Variants in CHRNB3 observed in about 807,000 individuals in gnomAD.
CHRNB3 encodes the protein cholinergic receptor nicotinic beta 3 subunit, also known as neuronal acetylcholine receptor subunit beta-3.
A neutral mutation model predicts 40.6 loss-of-function variants in CHRNB3; 37 were observed. The observed-to-expected ratio is 0.91, with a 90% CI of 0.70 to 1.20. The LOEUF (loss-of-function observed/expected upper bound fraction) is 1.20. Ranked by LOEUF, CHRNB3 falls within the 50% of genes most tolerant of loss-of-function variation. CHRNB3 has a pLI of 0.00. For missense variants in CHRNB3, 505 were observed against 551.2 expected, an observed-to-expected ratio of 0.92 and a Z score of 0.84; for synonymous variants, 207 against 207.1, an observed-to-expected ratio of 1.00 and a Z score of 0.00.
rs145502033 is a variant in CHRNB3, at chr8:42,736,660, C to T, written c.*42C>T. 5.6e-6 allele frequency: 9 copies of T among 1,609,968 alleles called. No individual in the cohort carries two copies. In the African/African-American group the frequency reaches 1.1e-4, roughly 19 times the overall value. On this transcript the variant is annotated 3_prime_UTR_variant, in exon 6 of 6. Transcript: ENST00000289957. Reference sequence around the variant, plus strand: ...AGACTAAATTACACCTTAGACCTGACATCTGGCTATCACACAGACAGAATC... The same window carrying T: ...AGACTAAATTACACCTTAGACCTGATATCTGGCTATCACACAGACAGAATC...
At position 42,736,932 on chromosome 8, in the gene CHRNB3, G is replaced by A. The variant is rs1277364734; in HGVS notation, c.*314G>A. On this transcript the variant is annotated 3_prime_UTR_variant, in exon 6 of 6. Coordinates refer to ENST00000289957, the MANE Select transcript of CHRNB3 (RefSeq NM_000749.5). The stretch of plus-strand genomic sequence containing the variant: ...CACAAAAAGCTGTTGCTACTTGGTG[G>A]AGGAACACCTCCTAGAAGCAGCAGG... 7.5e-6 allele frequency: 2 copies of A among 265,986 alleles called. 1 individual carries two copies. Among genetic ancestry groups the A allele is most frequent in the Non-Finnish European group, 1.4e-5 (2 of 142,042 alleles). The allele number at this position is 265,986 out of a possible 1,614,324, so 16.5% of individuals were successfully genotyped here.
intron 1 of CHRNB3, among the ~76,000 whole-genome samples, chr8:42,706,915 C>T (rs1815931417): frequency 6.6e-6 from 1 of 152,078 alleles, no homozygotes; most frequent in Non-Finnish European, 1.5e-5. Context: ...GGTGTGCCAC[C>T]ATGCCCGGCT....
At chr8:42,714,174 G>A (rs1816062195) in intron 3 of CHRNB3, among the ~76,000 whole-genome samples, 1 of 152,146 alleles carries the variant, frequency 6.6e-6, no homozygotes, top group African/African-American at 2.4e-5. Context: ...ATTGAGCTCT[G>A]CCATGATGTT....
At chr8:42,714,794 T>C (rs1816073531) in intron 3 of CHRNB3, 1 of 152,242 alleles carries the variant, frequency 6.6e-6, no homozygotes, top group African/African-American at 2.4e-5. Flanking sequence ...GAAACAGAAC[T>C]GGAGAGTGGA....
chr8:42,699,395 C>G (rs1312050471), intron 1 of CHRNB3: 2 of 152,086 alleles, frequency 1.3e-5, no homozygotes, highest in African/African-American at 4.8e-5. Context: ...ACTTATTGAG[C>G]ATCTACTGTA....
At chr8:42,736,308 A>G (rs550665215) in intron 5 of CHRNB3, among the ~76,000 whole-genome samples, 176 bp from the exon 6 acceptor site, 1 of 152,238 alleles carries the variant, frequency 6.6e-6, no homozygotes. Context: ...TTTTGGGCAC[A>G]ATTAGCGAAG....
rs768163616 is a variant in CHRNB3, at chr8:42,732,520, CAT to C, written c.1214_1215del (p.His405ArgfsTer22). ...AADSIRYISR[H>X]VKKEHFISQV... ...TGATTCCATTAGATACATTTCGAGA[CAT>C]GTGAAGAAAGAACATTTTATCAGCC... On this transcript the variant is annotated frameshift_variant, in exon 5 of 6. Transcript: ENST00000289957. LOFTEE classifies it high-confidence loss of function. 4 of 1,601,320 alleles carry C rather than the reference CAT, an allele frequency of 2.5e-6. No individual in the cohort carries two copies. Among genetic ancestry groups the C allele is most frequent in the South Asian group, 2.3e-5 (2 of 88,038 alleles).
In CHRNB3 at chr8:42,732,296, C is replaced by T. The variant is rs1317814738; in HGVS notation, c.989C>T (p.Pro330Leu). 3.1e-6 allele frequency: 5 copies of T among 1,607,494 alleles called. No homozygotes were observed. In the African/African-American group the frequency reaches 6.7e-5, roughly 22 times the overall value. Reference protein sequence around the residue: ...VHHRSSSTYHPMAPWVKRLFL... With the variant: ...VHHRSSSTYHLMAPWVKRLFL... The stretch of plus-strand genomic sequence containing the variant: ...CACAGATCTTCTTCCACGTACCACC[C>T]CATGGCCCCCTGGGTTAAGAGGCTC... The change falls in exon 5 of 6, where the codon CCC (proline) becomes CTC (leucine). Residue 330 changes from proline (P) to leucine (L), a missense_variant. Pro to Leu is a moderately conservative substitution (Grantham distance 98). Coordinates refer to ENST00000289957, the MANE Select transcript of CHRNB3 (RefSeq NM_000749.5).
intron 3 of CHRNB3, among the ~76,000 whole-genome samples, chr8:42,717,497 A>G (rs1298129291): frequency 1.3e-5 from 2 of 151,118 alleles, no homozygotes; most frequent in African/African-American, 4.9e-5. Flanking sequence ...GGCACTTACA[A>G]GTTCATGAAT....
chr8:42,733,592 CTTTTTTTTTTTT>C (rs1208342996), intron 5 of CHRNB3, among the ~76,000 whole-genome samples: 1 of 101,048 alleles, frequency 9.9e-6, no homozygotes, highest in Non-Finnish European at 1.8e-5. Context: ...CATCCTTCTT[CTTTTTTTTTTTT>C]TTTTTTTTTG....
intron 2 of CHRNB3, among the ~76,000 whole-genome samples, chr8:42,709,124 T>G (rs949233745): frequency 6.6e-6 from 1 of 152,082 alleles, no homozygotes; most frequent in African/African-American, 2.4e-5. Flanking sequence ...AGATAGTCAT[T>G]GCTCCTGGCC....
intron 3 of CHRNB3, among the ~76,000 whole-genome samples, chr8:42,711,009 T>C (rs1563608893): frequency 6.6e-6 from 1 of 152,236 alleles, no homozygotes; most frequent in Non-Finnish European, 1.5e-5. Flanking sequence ...CGTTTTCAGC[T>C]TTCTTCTTAG....
chr8:42,713,784 C>T (rs1426603244), intron 3 of CHRNB3, among the ~76,000 whole-genome samples: 1 of 152,196 alleles, frequency 6.6e-6, no homozygotes, highest in African/African-American at 2.4e-5. Flanking sequence ...TCTCTACCAC[C>T]TGACTTAGGA....
chr8:42,721,928 C>G (rs1323783958), intron 3 of CHRNB3: 2 of 152,072 alleles, frequency 1.3e-5, no homozygotes, highest in African/African-American at 4.8e-5. Context: ...GCATCAGCTC[C>G]CCCAAAAGCT....
At chr8:42,697,897 C>T (rs566162970) in intron 1 of CHRNB3, among the ~76,000 whole-genome samples, 29 of 152,168 alleles carry the variant, frequency 1.9e-4, no homozygotes, top group Admixed American at 5.9e-4. Flanking sequence ...TTATTGAATG[C>T]ACTGAGCATT....
intron 3 of CHRNB3, among the ~76,000 whole-genome samples, chr8:42,718,028 G>A (rs80129471): frequency 0.057 from 8,638 of 151,474 alleles, 321 homozygotes; most frequent in Middle Eastern, 0.11. Flanking sequence ...AGACAGTTTC[G>A]CCATGTTGGC....
At chr8:42,731,255 T>C (rs1816412950) in intron 4 of CHRNB3, among the ~76,000 whole-genome samples, 1 of 151,924 alleles carries the variant, frequency 6.6e-6, no homozygotes, top group Admixed American at 6.6e-5. Flanking sequence ...GGCGTTGTGG[T>C]AGAAAAGTCC....
intron 3 of CHRNB3, among the ~76,000 whole-genome samples, chr8:42,722,972 CAT>C (rs1165011018): frequency 1.3e-5 from 2 of 151,858 alleles, no homozygotes; most frequent in Non-Finnish European, 2.9e-5. Context: ...TATTTACTAA[CAT>C]ATTGTAAGTA....
intron 3 of CHRNB3, among the ~76,000 whole-genome samples, chr8:42,722,872 T>A (rs1332167842): frequency 6.6e-6 from 1 of 152,152 alleles, no homozygotes; most frequent in Non-Finnish European, 1.5e-5. Context: ...CCCAGCTCCC[T>A]CTTGGGGGAG....
Sources: allele counts gnomAD v4.1 joint callset (sites outside exome capture counted in the v4.1 genomes callset), GRCh38; gene constraint gnomAD v4.1.1; transcripts MANE v1.5; gene names NCBI Gene and HGNC (gene_info 2026-07-23, HGNC 2026-07-21).